Variants in COXFA4L3 observed in about 807,000 individuals in gnomAD.
The protein encoded by COXFA4L3 is cytochrome c oxidase associated subunit FA4L3, also known as MIR147B host.
At chr15:45,430,732 C>G in the COXFA4L3 span, 1 of 1,523,452 alleles carries the variant, frequency 6.6e-7, no homozygotes, top group South Asian at 1.2e-5. Flanking sequence ...GGTTTGGCGC[C>G]CACCAGGCGA....
At chr15:45,431,868 C>A in the COXFA4L3 span, among the ~76,000 whole-genome samples, 2 of 152,176 alleles carry the variant, frequency 1.3e-5, no homozygotes, top group Non-Finnish European at 2.9e-5. Context: ...TTTAGGGGAA[C>A]TGATGTTTAA....
At chr15:45,432,963 C>A in the COXFA4L3 span, 1 of 1,613,314 alleles carries the variant, frequency 6.2e-7, no homozygotes, top group Non-Finnish European at 8.5e-7. Context: ...AACAATCAAC[C>A]AACAATGGAA....
At chr15:45,431,308 A>G in the COXFA4L3 span, 1 of 439,076 alleles carries the variant, frequency 2.3e-6, no homozygotes, top group Non-Finnish European at 4.0e-6. Flanking sequence ...AATTTAAAAA[A>G]ACCCATGATA....
the COXFA4L3 span, among the ~76,000 whole-genome samples, chr15:45,431,676 G>A: frequency 1.3e-5 from 2 of 152,160 alleles, no homozygotes; most frequent in Non-Finnish European, 2.9e-5. Flanking sequence ...TCCTCTAACC[G>A]CTGGCAGAGG....
At chr15:45,432,750 G>C in the COXFA4L3 span, among the ~76,000 whole-genome samples, 1 of 152,270 alleles carries the variant, frequency 6.6e-6, no homozygotes, top group East Asian at 1.9e-4. Flanking sequence ...GAGCCCAAGG[G>C]CTTTGTAAAA....
At chr15:45,430,958 A>G in the COXFA4L3 span, 10 of 1,587,478 alleles carry the variant, frequency 6.3e-6, no homozygotes, top group Admixed American at 1.7e-5. Flanking sequence ...AATGTTTCAT[A>G]TTGAAGTGTC....
the COXFA4L3 span, chr15:45,430,781 C>A: frequency 6.2e-7 from 1 of 1,607,456 alleles, no homozygotes; most frequent in Non-Finnish European, 8.5e-7. Flanking sequence ...TTTGGCAATT[C>A]TTCGCTGAAG....
the COXFA4L3 span, chr15:45,432,037 T>TTAAATTAAAATTAA: frequency 6.3e-7 from 1 of 1,592,114 alleles, no homozygotes. Context: ...TAAATTCACA[T>TTAAATTAAAATTAA]CTTTTAATGT....
the COXFA4L3 span, chr15:45,431,104 T>C: frequency 1.9e-6 from 3 of 1,601,714 alleles, no homozygotes; most frequent in South Asian, 3.4e-5. Flanking sequence ...GGTCTCAATT[T>C]ATAAAAACGT....
chr15:45,430,693 C>T, the COXFA4L3 span: 1 of 1,108,282 alleles, frequency 9.0e-7, no homozygotes, highest in South Asian at 1.4e-5. Context: ...ACGCGCCGGC[C>T]CGCAGTTGGC....
the COXFA4L3 span, chr15:45,431,221 G>C: frequency 5.2e-6 from 3 of 579,962 alleles, no homozygotes; most frequent in Non-Finnish European, 8.7e-6. Context: ...GGGTTAAAAA[G>C]CATCTTTTAT....
the COXFA4L3 span, chr15:45,430,685 G>A: frequency 1.0e-6 from 1 of 969,360 alleles, no homozygotes; most frequent in Non-Finnish European, 1.6e-6. Context: ...AGACGCGGAC[G>A]CGCCGGCCCG....
At chr15:45,431,010 T>C in the COXFA4L3 span, 1 of 1,614,024 alleles carries the variant, frequency 6.2e-7, no homozygotes. Context: ...GCTCATTCCC[T>C]TGGTGGTGTT....
the COXFA4L3 span, chr15:45,430,915 A>G: frequency 1.9e-6 from 3 of 1,565,232 alleles, no homozygotes; most frequent in South Asian, 3.4e-5. Context: ...TGAACAAAGT[A>G]TAAAATAAAT....
the COXFA4L3 span, chr15:45,432,026 T>G: frequency 6.4e-7 from 1 of 1,561,962 alleles, no homozygotes; most frequent in Non-Finnish European, 8.8e-7. Context: ...CAGTGTTGGT[T>G]TAAATTCACA....
At chr15:45,430,782 T>C in the COXFA4L3 span, 5 of 1,608,088 alleles carry the variant, frequency 3.1e-6, no homozygotes, top group African/African-American at 6.7e-5. Flanking sequence ...TTGGCAATTC[T>C]TCGCTGAAGT....
chr15:45,432,027 T>G, the COXFA4L3 span: 1 of 1,565,302 alleles, frequency 6.4e-7, no homozygotes, highest in South Asian at 1.1e-5. Flanking sequence ...AGTGTTGGTT[T>G]AAATTCACAT....
the COXFA4L3 span, chr15:45,432,069 TA>T: frequency 1.2e-6 from 2 of 1,612,906 alleles, no homozygotes; most frequent in Non-Finnish European, 8.5e-7. Context: ...TCTTTAATTT[TA>T]GCCTTGATCG....
At chr15:45,432,859 G>C in the COXFA4L3 span, 2 of 1,010,754 alleles carry the variant, frequency 2.0e-6, no homozygotes, top group Non-Finnish European at 3.0e-6. Context: ...TTTTCTAAAG[G>C]GGAGTGTGGA....
Sources: gnomAD v4.1 joint callset for allele counts (sites outside exome capture counted in the v4.1 genomes callset) on GRCh38, gnomAD v4.1.1 for gene constraint, MANE v1.5 for transcripts, NCBI Gene and HGNC (gene_info 2026-07-23, HGNC 2026-07-21) for gene names.